Variants in CPA1 observed in about 807,000 individuals in gnomAD.
The protein encoded by CPA1 is carboxypeptidase A1 (pancreatic).
Under a neutral mutation model 48.7 loss-of-function variants are expected in CPA1, and 42 were observed. That is an observed-to-expected ratio of 0.86 (90% CI 0.67 to 1.11). The LOEUF (loss-of-function observed/expected upper bound fraction) is 1.11. CPA1 is among the 50% of genes most tolerant of loss of function. The pLI, the probability that CPA1 is intolerant of heterozygous loss-of-function variation, is 0.00. For missense variants in CPA1, 477 were observed against 544.7 expected, an observed-to-expected ratio of 0.88 and a Z score of 1.24; for synonymous variants, 203 against 217.9, an observed-to-expected ratio of 0.93 and a Z score of 0.60.
Position 130,385,727 on chromosome 7 carries a change from C to G in CPA1, c.988-112C>G, listed in dbSNP as rs966150186. The G allele has an allele frequency of 3.9e-6, 3 of 776,778 alleles. No homozygotes were observed. In the African/African-American group the frequency reaches 5.2e-5, roughly 13 times the overall value. 48.1% of individuals were successfully genotyped at this position (776,778 alleles called of 1,614,324 possible). On this transcript the variant is annotated intron_variant, in intron 8 of 9. Transcript: ENST00000011292. ...GGCTCTGTGCTCCCTGCTGGAGGCC[C>G]ACTTCTGCAGGGTGCTTCTCCTAGG...
At chr7:130,383,045 T>C (rs962734658) in intron 4 of CPA1, among the ~76,000 whole-genome samples, 64 of 151,336 alleles carry the variant, frequency 4.2e-4, no homozygotes, top group African/African-American at 1.6e-3. Context: ...CCTCCCAAAG[T>C]GCTGGGATTA....
chr7:130,383,493 G>A lies in CPA1; in HGVS notation c.585+1G>A. 1 of 1,613,360 alleles carries A rather than the reference G, an allele frequency of 6.2e-7. No individual in the cohort carries two copies. Among genetic ancestry groups the A allele is most frequent in the Non-Finnish European group, 8.5e-7 (1 of 1,179,348 alleles). Reference sequence around the variant, plus strand: ...CAGTGGGGTCTGGTTTGCAAAGAAGGTAAGGCCGGGGAGGTGAGGAGGGCT... The same window carrying A: ...CAGTGGGGTCTGGTTTGCAAAGAAGATAAGGCCGGGGAGGTGAGGAGGGCT... On this transcript the variant is annotated splice_donor_variant, in intron 5 of 9. Transcript: ENST00000011292. LOFTEE classifies it high-confidence loss of function.
chr7:130,380,619 G>A (rs1440695856), intron 1 of CPA1, 34 bp downstream of exon 1: 4 of 1,205,958 alleles, frequency 3.3e-6, no homozygotes, highest in Middle Eastern at 2.1e-4. Context: ...TGCCCTCTGA[G>A]GGTGATGGGG....
chr7:130,388,036 T>C lies in CPA1; in HGVS notation c.*25T>C, dbSNP rs782225736. On this transcript the variant is annotated 3_prime_UTR_variant, in exon 10 of 10. Coordinates refer to ENST00000011292, the MANE Select transcript of CPA1 (RefSeq NM_001868.4). ...AGCTGACCCTTTGACACCCTTCTTGTCCTCCTCTCTGGCCCCATCCAGGCA... is the reference window on the plus strand; with the variant it reads ...AGCTGACCCTTTGACACCCTTCTTGCCCTCCTCTCTGGCCCCATCCAGGCA... 6.2e-7 allele frequency: 1 copy of C among 1,610,694 alleles called. No homozygotes were observed. The highest frequency in any genetic ancestry group is 8.5e-7 in the Non-Finnish European group (1 of 1,177,454).
At chr7:130,384,330 C>A (rs562662361) in intron 6 of CPA1, 13 of 589,780 alleles carry the variant, frequency 2.2e-5, no homozygotes, top group Admixed American at 1.8e-4. Flanking sequence ...ATCTTCCTCC[C>A]CGACAACCAG....
At chr7:130,382,050 G>GGCTT in intron 3 of CPA1, 58 bp from the exon 4 acceptor site, 1 of 1,428,714 alleles carries the variant, frequency 7.0e-7, no homozygotes, top group Non-Finnish European at 9.8e-7. Context: ...GCTGCTAAGG[G>GGCTT]AAGCATCTGG....
In CPA1 at chr7:130,385,906, GCAT is replaced by G; in HGVS notation, c.1061_1063del (p.Ile354del). 6.2e-7 allele frequency: 1 copy of G among 1,614,044 alleles called. No homozygotes were observed. The highest frequency in any genetic ancestry group is 8.5e-7 in the Non-Finnish European group (1 of 1,179,928). ...TACGGGACCAAGTTCAACTATGGCA[GCAT>G]CATCAAGGCAATTTGTAAGTGGCCG... On this transcript the variant is annotated inframe_deletion, in exon 9 of 10. Coordinates refer to ENST00000011292, the MANE Select transcript of CPA1 (RefSeq NM_001868.4).
rs1169146087 is a variant in CPA1 at position 130,385,314 on chromosome 7, A to G, written c.956A>G (p.Lys319Arg). 1.2e-6 allele frequency: 2 copies of G among 1,614,228 alleles called. No homozygotes were observed. Among genetic ancestry groups the G allele is most frequent in the Non-Finnish European group, 1.7e-6 (2 of 1,180,032 alleles). The change falls in exon 8 of 10, where the codon AAA becomes AGA. Residue 319 changes from lysine to arginine, a missense_variant. Coordinates refer to ENST00000011292, the MANE Select transcript of CPA1 (RefSeq NM_001868.4). ...SQLLMYPYGY[K>R]TEPVPDQDEL... ...CTCCTCATGTATCCCTATGGCTACA[A>G]AACAGAACCAGTCCCTGACCAGGAT... is the stretch of plus-strand genomic sequence containing the variant.
At chr7:130,383,067 C>T (rs575004010) in intron 4 of CPA1, among the ~76,000 whole-genome samples, 1 of 152,338 alleles carries the variant, frequency 6.6e-6, no homozygotes, top group East Asian at 1.9e-4. Flanking sequence ...AGGCGTGAGC[C>T]ACCACGCCCA....
chr7:130,384,808 C>A, intron 7 of CPA1, 182 bp downstream of exon 7: 1 of 624,756 alleles, frequency 1.6e-6, no homozygotes, highest in Non-Finnish European at 2.8e-6. Context: ...TACTCGCCTG[C>A]AAAAGGCAAG....
chr7:130,382,520 G>T (rs1479988014), intron 4 of CPA1, among the ~76,000 whole-genome samples: 5 of 152,102 alleles, frequency 3.3e-5, no homozygotes, highest in African/African-American at 9.7e-5. Flanking sequence ...CTGGAGTGCA[G>T]TGGCATGATC....
intron 9 of CPA1, among the ~76,000 whole-genome samples, chr7:130,386,446 C>A (rs914670270): frequency 6.6e-6 from 1 of 151,932 alleles, no homozygotes; most frequent in Middle Eastern, 3.2e-3. Context: ...GCACAAGAAT[C>A]GCTTGAACCC....
chr7:130,385,424 T>TTAA (rs1554411867), intron 8 of CPA1, 79 bp downstream of exon 8: 4 of 1,331,246 alleles, frequency 3.0e-6, no homozygotes, highest in African/African-American at 1.4e-5. Flanking sequence ...TCAGACCTGC[T>TTAA]TAAGGCACAG....
Position 130,387,813 on chromosome 7 carries a change from T to G in CPA1, c.1073-11T>G. On this transcript the variant is annotated splice_polypyrimidine_tract_variant and intron_variant, in intron 9 of 9. Transcript: ENST00000011292. The surrounding 1 kb of genome is among the most constrained non-coding windows in gnomAD (Gnocchi z 4.6). ...ATTGACCCTTTCTCTCCTATTTTAC[T>G]CCTGCCCCAGATCAAGCCAGTGGAA... 6.2e-7 allele frequency: 1 copy of G among 1,612,420 alleles called. No individual in the cohort carries two copies. The highest frequency in any genetic ancestry group is 8.5e-7 in the Non-Finnish European group (1 of 1,179,112).
intron 1 of CPA1, chr7:130,380,849 AC>A (rs1796394124): frequency 1.7e-6 from 1 of 581,090 alleles, no homozygotes; most frequent in African/African-American, 1.9e-5. Context: ...CTGGCTTGGA[AC>A]AGAGAAATAG....
chr7:130,384,698 C>A, intron 7 of CPA1, 72 bp downstream of exon 7: 1 of 1,269,312 alleles, frequency 7.9e-7, no homozygotes, highest in Non-Finnish European at 1.1e-6. Context: ...CTCTTGCTCC[C>A]CGCCTCTCTC....
chr7:130,383,833 G>A (rs1796438593), intron 6 of CPA1, 39 bp downstream of exon 6: 1 of 1,434,408 alleles, frequency 7.0e-7, no homozygotes, highest in Non-Finnish European at 9.8e-7. Context: ...AGCAGGATGG[G>A]CCTCTGGCTT....
At chr7:130,381,207 A>C in intron 2 of CPA1, 28 bp downstream of exon 2, 1 of 1,568,674 alleles carries the variant, frequency 6.4e-7, no homozygotes, top group Non-Finnish European at 8.7e-7. Context: ...GGGCTCTCTG[A>C]GGCCCCAGGG....
In CPA1 at chr7:130,382,125, C is replaced by T. The variant is rs1796414433; in HGVS notation, c.399C>T (p.Asp133=). ...HTLEEIYDFL[D]LLVAENPHLV... ...CACCTCAGATCTATGACTTCCTGGA[C>T]CTGCTGGTGGCGGAGAACCCGCACC... Residue 133 remains aspartate (D), a synonymous_variant, in exon 4 of 10, where the codon GAC becomes GAT. Coordinates refer to ENST00000011292, the MANE Select transcript of CPA1 (RefSeq NM_001868.4). 6.2e-7 allele frequency: 1 copy of T among 1,614,046 alleles called. No individual in the cohort carries two copies. The highest frequency in any genetic ancestry group is 1.3e-5 in the African/African-American group (1 of 74,946).
Sources: allele counts gnomAD v4.1 joint callset (sites outside exome capture counted in the v4.1 genomes callset), GRCh38; gene constraint gnomAD v4.1.1; non-coding constraint Gnocchi (gnomAD v3.1); transcripts MANE v1.5; gene names NCBI Gene and HGNC (gene_info 2026-07-23, HGNC 2026-07-21).